PPARGC1A: variants seen among roughly 807,000 people sequenced by gnomAD.
The protein encoded by PPARGC1A is PPARG coactivator 1 alpha.
In PPARGC1A, 25 loss-of-function variants were observed where a neutral mutation model predicts 88.7. The observed-to-expected ratio is 0.28, with a 90% CI of 0.21 to 0.39. The LOEUF (loss-of-function observed/expected upper bound fraction) is 0.39. Among genes scored for constraint, PPARGC1A ranks in the 10% least tolerant of loss-of-function variants. The pLI, the probability that PPARGC1A is intolerant of heterozygous loss-of-function variation, is 1.00. For synonymous variants in PPARGC1A, 363 were observed against 355.6 expected, an observed-to-expected ratio of 1.02 and a Z score of -0.24; for missense variants, 880 against 968.7, an observed-to-expected ratio of 0.91 and a Z score of 1.22.
At chr4:23,954,636 C>A in the PPARGC1A span, among the ~76,000 whole-genome samples, 1 of 151,862 alleles carries the variant, frequency 6.6e-6, no homozygotes, top group African/African-American at 2.4e-5. Context: ...AGAAGGCAAA[C>A]TAAGATGGAG....
the PPARGC1A span, among the ~76,000 whole-genome samples, chr4:24,447,518 C>T: frequency 3.3e-5 from 5 of 152,354 alleles, no homozygotes; most frequent in East Asian, 5.8e-4. Context: ...TCAGCAGTCT[C>T]GACCTTGCCT....
the PPARGC1A span, among the ~76,000 whole-genome samples, chr4:24,273,911 T>C: frequency 1.3e-5 from 2 of 151,342 alleles, no homozygotes; most frequent in African/African-American, 2.4e-5. Flanking sequence ...TTTTTTTTAA[T>C]GTATTTTTAG....
chr4:24,251,114 G>A, the PPARGC1A span, among the ~76,000 whole-genome samples: 5 of 152,174 alleles, frequency 3.3e-5, no homozygotes, highest in African/African-American at 1.2e-4. Context: ...TTGTTTTCCT[G>A]TGCTAGTTAT....
the PPARGC1A span, among the ~76,000 whole-genome samples, chr4:23,943,774 G>T: frequency 7.2e-5 from 11 of 152,162 alleles, no homozygotes; most frequent in Non-Finnish European, 1.6e-4. Flanking sequence ...CATAAATCTT[G>T]TTGATAGCAT....
chr4:23,940,984 GT>G, the PPARGC1A span, among the ~76,000 whole-genome samples: 2 of 152,142 alleles, frequency 1.3e-5, no homozygotes, highest in Non-Finnish European at 2.9e-5. Context: ...TAAAATTAAT[GT>G]TTGTTAAACA....
the PPARGC1A span, among the ~76,000 whole-genome samples, chr4:24,003,807 T>C: frequency 1.1e-3 from 151 of 134,092 alleles, no homozygotes; most frequent in African/African-American, 4.1e-3. Flanking sequence ...AAAGAGGTGA[T>C]AGGATCAGAT....
the PPARGC1A span, among the ~76,000 whole-genome samples, chr4:24,300,751 G>A: frequency 6.6e-6 from 1 of 152,004 alleles, no homozygotes; most frequent in Non-Finnish European, 1.5e-5. Context: ...TTGCAGCTAG[G>A]TATGCAGAGT....
chr4:23,970,220 A>G, the PPARGC1A span, among the ~76,000 whole-genome samples: 2 of 152,158 alleles, frequency 1.3e-5, no homozygotes, highest in Non-Finnish European at 2.9e-5. Context: ...ATAAATTTCA[A>G]CTCACCATAG....
chr4:23,953,052 C>A, the PPARGC1A span, among the ~76,000 whole-genome samples: 1 of 152,012 alleles, frequency 6.6e-6, no homozygotes, highest in African/African-American at 2.4e-5. Flanking sequence ...TTTGCTATAA[C>A]TTACTTAGGT....
chr4:23,899,962 A>C (rs1480267409), upstream of PPARGC1A, among the ~76,000 whole-genome samples: 4 of 152,164 alleles, frequency 2.6e-5, no homozygotes, highest in Admixed American at 6.5e-5. Flanking sequence ...TAGAAAAGAA[A>C]GAGAAATAAA....
At chr4:24,159,206 CTTT>C in the PPARGC1A span, among the ~76,000 whole-genome samples, 4 of 109,856 alleles carry the variant, frequency 3.6e-5, no homozygotes, top group Admixed American at 9.7e-5. Context: ...GGAAATTAAC[CTTT>C]TTTTTTTTTT....
At chr4:23,842,682 T>C (rs538050166) in intron 2 of PPARGC1A, among the ~76,000 whole-genome samples, 207 of 152,226 alleles carry the variant, frequency 1.4e-3, no homozygotes, top group African/African-American at 4.6e-3. Flanking sequence ...ACTACCAAAA[T>C]GTCTCCAGAT....
At chr4:24,047,088 T>C in the PPARGC1A span, among the ~76,000 whole-genome samples, 135,286 of 152,266 alleles carry the variant, frequency 0.89, 60,209 homozygotes, top group South Asian at 0.95. Context: ...CCTATTCCAT[T>C]ATTCATTCAT....
At chr4:24,113,699 C>G in the PPARGC1A span, among the ~76,000 whole-genome samples, 5 of 152,062 alleles carry the variant, frequency 3.3e-5, no homozygotes, top group Non-Finnish European at 5.9e-5. Context: ...ATAAATAAAG[C>G]CTTACAAGAC....
the PPARGC1A span, chr4:24,091,345 T>C: frequency 0.075 from 57,525 of 766,442 alleles, 2,376 homozygotes; most frequent in East Asian, 0.17. Flanking sequence ...CATGACTTTT[T>C]TCAAAAGGAC....
the PPARGC1A span, among the ~76,000 whole-genome samples, chr4:24,239,332 T>A: frequency 6.6e-6 from 1 of 152,248 alleles, no homozygotes; most frequent in African/African-American, 2.4e-5. Flanking sequence ...CAAAACTCAG[T>A]GGGTTCACAG....
the PPARGC1A span, among the ~76,000 whole-genome samples, chr4:24,317,555 T>TTAAAAAAAAAAAAA: frequency 1.8e-4 from 4 of 22,208 alleles, no homozygotes; most frequent in African/African-American, 4.0e-4. Context: ...TTCAGAGGAC[T>TTAAAAAAAAAAAAA]AAAAAAAAAA....
At chr4:23,944,224 C>A in the PPARGC1A span, among the ~76,000 whole-genome samples, 6 of 152,292 alleles carry the variant, frequency 3.9e-5, no homozygotes, top group East Asian at 7.7e-4. Flanking sequence ...TTCTTAACAA[C>A]TTTTCCATAA....
chr4:23,896,020 C>A (rs1718560575), intron 1 of PPARGC1A, among the ~76,000 whole-genome samples: 1 of 146,458 alleles, frequency 6.8e-6, no homozygotes, highest in African/African-American at 2.5e-5. Context: ...TTAATATTAT[C>A]ATTAAAATCA....
Sources: gnomAD v4.1 joint callset for allele counts (sites outside exome capture counted in the v4.1 genomes callset) on GRCh38, gnomAD v4.1.1 for gene constraint, MANE v1.5 for transcripts, NCBI Gene and HGNC (gene_info 2026-07-23, HGNC 2026-07-21) for gene names.